The following DCLK1 variants were observed in gnomAD, a reference collection of about 807,000 sequenced individuals.
DCLK1 encodes the protein serine/threonine-protein kinase DCLK1.
A neutral mutation model predicts 86.2 loss-of-function variants in DCLK1; 16 were observed. That is an observed-to-expected ratio of 0.19 (90% CI 0.13 to 0.28). DCLK1 has a LOEUF of 0.28. DCLK1 is among the 10% of genes least tolerant of loss of function. DCLK1 has a pLI of 1.00. For synonymous variants in DCLK1, 369 were observed against 370.5 expected, an observed-to-expected ratio of 1.00 and a Z score of 0.05; for missense variants, 590 against 940.2, an observed-to-expected ratio of 0.63 and a Z score of 4.87.
At position 35,927,826 on chromosome 13, in the gene DCLK1, C is replaced by G. The variant is rs944521618; in HGVS notation, c.823+19532G>C. On this transcript the variant is annotated intron_variant, in intron 4 of 16. Coordinates refer to ENST00000360631, the MANE Select transcript of DCLK1 (RefSeq NM_001330071.2). ...ACCTCTGGAGACTCAGTTCCAATCA[C>G]AGGGCCTATGACGTAATCACCCATG... 7.2e-5 allele frequency among the ~76,000 whole-genome samples: 11 copies of G among 152,282 alleles called. No homozygotes were observed. The East Asian group carries it at 1.9e-3, about 27-fold the overall frequency.
At chr13:35,810,775 T>C in intron 12 of DCLK1, 60 bp downstream of exon 12, 1 of 1,588,278 alleles carries the variant, frequency 6.3e-7, no homozygotes, top group South Asian at 1.1e-5. Context: ...ATTTTTCCTA[T>C]TCTCGAAGCG....
At chr13:35,840,899 A>C (rs1869747233) in intron 6 of DCLK1, among the ~76,000 whole-genome samples, 1 of 152,246 alleles carries the variant, frequency 6.6e-6, no homozygotes, top group South Asian at 2.1e-4. Flanking sequence ...AGGCAGATTT[A>C]TTATGTCAAT....
chr13:35,829,322 T>A (rs979453322), intron 8 of DCLK1, among the ~76,000 whole-genome samples: 100 of 152,222 alleles, frequency 6.6e-4, no homozygotes, highest in Admixed American at 5.2e-4. Context: ...TACTTCATAA[T>A]CATAGTAAAC....
At chr13:36,053,065 G>A in intron 3 of DCLK1, among the ~76,000 whole-genome samples, 1 of 152,112 alleles carries the variant, frequency 6.6e-6, no homozygotes, top group East Asian at 1.9e-4. Flanking sequence ...ATTGGCATCA[G>A]TTATTTCCTC....
chr13:35,919,035 G>A (rs1226565163), intron 4 of DCLK1, among the ~76,000 whole-genome samples: 2 of 151,700 alleles, frequency 1.3e-5, no homozygotes, highest in African/African-American at 4.8e-5. Flanking sequence ...CTGGGTAGCT[G>A]TGGTTACAGG....
At chr13:36,069,527 G>A (rs1883889104) in intron 3 of DCLK1, among the ~76,000 whole-genome samples, 1 of 152,144 alleles carries the variant, frequency 6.6e-6, no homozygotes, top group African/African-American at 2.4e-5. Flanking sequence ...TCAGTCACCA[G>A]GGTGGTGACA....
chr13:35,893,266 C>T (rs1177776742), intron 4 of DCLK1, among the ~76,000 whole-genome samples: 3 of 152,190 alleles, frequency 2.0e-5, no homozygotes, highest in African/African-American at 7.2e-5. Context: ...TGTTGGCTCA[C>T]AACACCATTC....
intron 4 of DCLK1, among the ~76,000 whole-genome samples, chr13:35,899,004 G>A (rs1300701045): frequency 1.3e-5 from 2 of 152,124 alleles, no homozygotes. Context: ...GCCTCCCAAA[G>A]TGCTGGAATT....
At chr13:36,024,374 G>T (rs1172879132) in intron 3 of DCLK1, among the ~76,000 whole-genome samples, 1 of 152,164 alleles carries the variant, frequency 6.6e-6, no homozygotes, top group Non-Finnish European at 1.5e-5. Flanking sequence ...GAATAAACGA[G>T]TTCCTTTATA....
intron 3 of DCLK1, among the ~76,000 whole-genome samples, chr13:36,083,838 T>C (rs1884503311): frequency 6.6e-6 from 1 of 152,214 alleles, no homozygotes; most frequent in Non-Finnish European, 1.5e-5. Context: ...AAACTTTTTC[T>C]TTAAGAAACA....
At chr13:36,096,763 A>G (rs2138150582) in intron 3 of DCLK1, among the ~76,000 whole-genome samples, 1 of 152,336 alleles carries the variant, frequency 6.6e-6, no homozygotes, top group African/African-American at 2.4e-5. Flanking sequence ...TTGGACTGTA[A>G]CAAAGCAAAT....
At chr13:36,047,931 G>A (rs373852637) in intron 3 of DCLK1, among the ~76,000 whole-genome samples, 3 of 152,076 alleles carry the variant, frequency 2.0e-5, no homozygotes, top group Non-Finnish European at 4.4e-5. Context: ...GAACTCCAGC[G>A]TGGGCGACAG....
chr13:35,978,203 C>CTTTTTTTTTTT (rs11311688), intron 3 of DCLK1, among the ~76,000 whole-genome samples: 161 of 82,750 alleles, frequency 1.9e-3, no homozygotes, highest in East Asian at 2.7e-3. Context: ...CTTTTCTTTT[C>CTTTTTTTTTTT]TTTTTTTTTT....
intron 11 of DCLK1, among the ~76,000 whole-genome samples, chr13:35,816,297 T>C (rs9531069): frequency 0.28 from 41,887 of 152,130 alleles, 6,504 homozygotes; most frequent in African/African-American, 0.42. Flanking sequence ...AAATAAACAC[T>C]GTTCATATTT....
chr13:36,127,583 G>A (rs2138224943), intron 1 of DCLK1, among the ~76,000 whole-genome samples: 1 of 152,312 alleles, frequency 6.6e-6, no homozygotes, highest in South Asian at 2.1e-4. Context: ...TGCACATGAA[G>A]TTCTTATCAT....
At chr13:35,934,575 T>C (rs7996056) in intron 4 of DCLK1, among the ~76,000 whole-genome samples, 117,743 of 152,078 alleles carry the variant, frequency 0.77, 45,867 homozygotes, top group African/African-American at 0.84. Context: ...GACTTATTCA[T>C]TGCCATGAGA....
At chr13:35,982,235 C>T (rs1232920621) in intron 3 of DCLK1, among the ~76,000 whole-genome samples, 1 of 151,950 alleles carries the variant, frequency 6.6e-6, no homozygotes, top group African/African-American at 2.4e-5. Flanking sequence ...GGGAACAAGG[C>T]TGGGTCTGGT....
chr13:35,935,636 AATAGTCATAG>A (rs1876712877), intron 4 of DCLK1, among the ~76,000 whole-genome samples: 1 of 152,178 alleles, frequency 6.6e-6, no homozygotes, highest in Non-Finnish European at 1.5e-5. Context: ...GTGGCTGTGG[AATAGTCATAG>A]GGAAGTTCAT....
chr13:36,095,173 GTT>G (rs376231053), intron 3 of DCLK1, among the ~76,000 whole-genome samples: 1 of 109,388 alleles, frequency 9.1e-6, no homozygotes, highest in Admixed American at 9.1e-5. Flanking sequence ...CTCTCTCTTT[GTT>G]TTTTTTTTTT....
Sources: allele counts gnomAD v4.1 joint callset (sites outside exome capture counted in the v4.1 genomes callset), GRCh38; gene constraint gnomAD v4.1.1; transcripts MANE v1.5; gene names NCBI Gene and HGNC (gene_info 2026-07-23, HGNC 2026-07-21).